The following FUT9 variants were observed in gnomAD, a reference collection of about 807,000 sequenced individuals.
FUT9 encodes fucosyltransferase 9, also known as 4-galactosyl-N-acetylglucosaminide 3-alpha-L-fucosyltransferase 9.
In FUT9, 15 loss-of-function variants were observed where a neutral mutation model predicts 29.7. The ratio of observed to expected loss-of-function variants is 0.51; its 90% CI spans 0.34 to 0.78. The LOEUF is 0.78. Among genes scored for constraint, FUT9 ranks in the 30% least tolerant of loss-of-function variants. The pLI, the probability that FUT9 is intolerant of heterozygous loss-of-function variation, is 0.01. For missense variants in FUT9, 319 were observed against 425.4 expected (o/e 0.75, Z 2.20); for synonymous variants, 169 against 153.7 (o/e 1.10, Z -0.74).
chr6:96,127,946 T>C (rs1053299696), intron 2 of FUT9, among the ~76,000 whole-genome samples: 1 of 152,116 alleles, frequency 6.6e-6, no homozygotes, highest in Admixed American at 6.5e-5. Context: ...AGATAAATAC[T>C]TTTTAAATAT....
chr6:96,125,587 G>GA (rs1179426488), intron 2 of FUT9, among the ~76,000 whole-genome samples: 1 of 152,130 alleles, frequency 6.6e-6, no homozygotes, highest in Non-Finnish European at 1.5e-5. Context: ...TTTATGTGAG[G>GA]AAACTACAGC....
At chr6:96,069,493 T>G (rs1771017929) in intron 1 of FUT9, among the ~76,000 whole-genome samples, 1 of 152,032 alleles carries the variant, frequency 6.6e-6, no homozygotes, top group South Asian at 2.1e-4. Context: ...TTAATAAAAA[T>G]CTCAATAGAA....
At chr6:96,070,849 C>G (rs1386880571) in intron 1 of FUT9, among the ~76,000 whole-genome samples, 1 of 152,068 alleles carries the variant, frequency 6.6e-6, no homozygotes, top group Non-Finnish European at 1.5e-5. Context: ...CTCTTTCAAT[C>G]ATTTTTCTCT....
chr6:96,082,849 C>A (rs1442060750), intron 1 of FUT9, among the ~76,000 whole-genome samples: 1 of 151,876 alleles, frequency 6.6e-6, no homozygotes, highest in African/African-American at 2.4e-5. Flanking sequence ...ATCATTTTCT[C>A]AAGAAAGAGC....
chr6:96,128,806 T>C (rs1354633382), intron 2 of FUT9, among the ~76,000 whole-genome samples: 1 of 151,930 alleles, frequency 6.6e-6, no homozygotes, highest in Non-Finnish European at 1.5e-5. Context: ...AATAACTTGG[T>C]GAATATATAA....
intron 2 of FUT9, among the ~76,000 whole-genome samples, chr6:96,145,599 G>A (rs1473152576): frequency 6.6e-6 from 1 of 152,100 alleles, no homozygotes; most frequent in Non-Finnish European, 1.5e-5. Context: ...GATTATTTTT[G>A]AGAGAATGGT....
At chr6:96,071,570 T>A (rs533413161) in intron 1 of FUT9, among the ~76,000 whole-genome samples, 101 of 152,282 alleles carry the variant, frequency 6.6e-4, no homozygotes, top group African/African-American at 2.4e-3. Flanking sequence ...AAATGAAGCT[T>A]AAATGTCGTT....
At chr6:96,200,977 CT>C (rs879880010) in intron 2 of FUT9, among the ~76,000 whole-genome samples, 69 of 146,400 alleles carry the variant, frequency 4.7e-4, no homozygotes, top group South Asian at 6.4e-4. Context: ...GCACAAATGA[CT>C]TTTTTTTTTT....
chr6:96,159,010 G>T (rs901723681), intron 2 of FUT9, among the ~76,000 whole-genome samples: 4 of 152,088 alleles, frequency 2.6e-5, no homozygotes, highest in African/African-American at 9.7e-5. Flanking sequence ...TATTGCAAAA[G>T]TGCTGTTTAA....
chr6:96,088,817 A>C (rs1310716226), intron 1 of FUT9, among the ~76,000 whole-genome samples: 1 of 132,284 alleles, frequency 7.6e-6, no homozygotes, highest in Non-Finnish European at 1.6e-5. Flanking sequence ...AATTCCTTGC[A>C]TGACTGGCTA....
intron 2 of FUT9, among the ~76,000 whole-genome samples, chr6:96,160,406 A>G (rs1243473140): frequency 6.6e-6 from 1 of 152,164 alleles, no homozygotes; most frequent in Non-Finnish European, 1.5e-5. Context: ...ATTACTATCC[A>G]TGTTTCTATT....
rs536947269 is a variant in FUT9 at position 96,192,803 on chromosome 6, T to C, written c.-8-10345T>C. Among the ~76,000 whole-genome samples the C allele has an allele frequency of 2.9e-3, 440 of 152,090 alleles. 2 individuals carry two copies. The highest frequency in any genetic ancestry group is 0.01 in the African/African-American group (426 of 41,474). On this transcript the variant is annotated intron_variant, in intron 2 of 2. Transcript: ENST00000302103. Reference sequence around the variant, plus strand: ...CATCACACTACCTGACTTCAAACTATAATACAAGGCTACAGTAAACAAAAC... The same window carrying C: ...CATCACACTACCTGACTTCAAACTACAATACAAGGCTACAGTAAACAAAAC...
intron 1 of FUT9, among the ~76,000 whole-genome samples, chr6:96,094,601 A>T (rs113415187): frequency 1.6e-3 from 243 of 152,232 alleles, no homozygotes; most frequent in Middle Eastern, 6.8e-3. Context: ...TCAGGAATCC[A>T]TTGGGGTCTT....
chr6:96,200,788 T>G (rs1196883651), intron 2 of FUT9, among the ~76,000 whole-genome samples: 1 of 152,094 alleles, frequency 6.6e-6, no homozygotes. Flanking sequence ...ACCCTTTCAG[T>G]AAGGTTTTTC....
intron 2 of FUT9, among the ~76,000 whole-genome samples, chr6:96,171,611 T>G: frequency 6.6e-6 from 1 of 152,188 alleles, no homozygotes; most frequent in Admixed American, 6.5e-5. Context: ...ACCAAGGTGA[T>G]TTTATCTCAA....
At chr6:96,027,501 T>C (rs886177266) in intron 1 of FUT9, among the ~76,000 whole-genome samples, 3 of 151,622 alleles carry the variant, frequency 2.0e-5, no homozygotes, top group African/African-American at 4.8e-5. Context: ...TTGCGGTTTC[T>C]GTCACCACCC....
chr6:96,108,775 C>T (rs942423532), intron 1 of FUT9, among the ~76,000 whole-genome samples: 1 of 152,106 alleles, frequency 6.6e-6, no homozygotes, highest in Admixed American at 6.6e-5. Context: ...AAGCTTCCAC[C>T]TTGCAAAATA....
At chr6:96,170,135 C>A (rs1773084463) in intron 2 of FUT9, among the ~76,000 whole-genome samples, 1 of 152,070 alleles carries the variant, frequency 6.6e-6, no homozygotes, top group South Asian at 2.1e-4. Flanking sequence ...GACAGCATAA[C>A]AAGAAGCTCA....
intron 2 of FUT9, among the ~76,000 whole-genome samples, chr6:96,184,713 A>G (rs1773373521): frequency 6.6e-6 from 1 of 152,084 alleles, no homozygotes; most frequent in African/African-American, 2.4e-5. Context: ...TGTTGACCTG[A>G]TGATTATTCA....
Sources: allele counts gnomAD v4.1 joint callset (sites outside exome capture counted in the v4.1 genomes callset), GRCh38; gene constraint gnomAD v4.1.1; transcripts MANE v1.5; gene names NCBI Gene and HGNC (gene_info 2026-07-23, HGNC 2026-07-21).